AGTRAP: variants seen among roughly 807,000 people sequenced by gnomAD.
The protein encoded by AGTRAP is type-1 angiotensin II receptor-associated protein.
A neutral mutation model predicts 15.2 loss-of-function variants in AGTRAP; 7 were observed. That is an observed-to-expected ratio of 0.46 (90% CI 0.26 to 0.87). The LOEUF (loss-of-function observed/expected upper bound fraction) is 0.87. Ranked by LOEUF, AGTRAP falls within the 40% of genes least tolerant of loss-of-function variation. AGTRAP has a pLI of 0.15. For missense variants in AGTRAP, 187 were observed against 213.4 expected, an observed-to-expected ratio of 0.88 and a Z score of 0.77; for synonymous variants, 74 against 89.6, an observed-to-expected ratio of 0.83 and a Z score of 0.98.
At chr1:11,740,570 CTG>C (rs147748632) in intron 1 of AGTRAP, among the ~76,000 whole-genome samples, 6,241 of 152,216 alleles carry the variant, frequency 0.041, 189 homozygotes, top group South Asian at 0.082. Flanking sequence ...GGTGCTCACT[CTG>C]TATTACAGGC....
rs961311251 is a variant in AGTRAP, at chr1:11,747,409, C to T, written c.63-31C>T. ...GAGGTGACCTGCGGGGTGGTGGCCT[C>T]CTGACGGGACTGAGCTACCTCTTCC... On this transcript the variant is annotated intron_variant, in intron 2 of 4. Transcript: ENST00000314340. 3.1e-6 allele frequency: 5 copies of T among 1,605,382 alleles called. No homozygotes were observed. In the East Asian group the frequency reaches 6.7e-5, roughly 21 times the overall value.
chr1:11,746,337 A>G, intron 2 of AGTRAP: 1 of 924,628 alleles, frequency 1.1e-6, no homozygotes, highest in South Asian at 1.7e-5. Flanking sequence ...CTGGGCTGGG[A>G]CCCAGGCACC....
In AGTRAP at chr1:11,750,598, C is replaced by T. The variant is rs998918964; in HGVS notation, c.*406C>T. 2.2e-6 allele frequency: 1 copy of T among 446,014 alleles called. No homozygotes were observed. Among genetic ancestry groups the T allele is most frequent in the African/African-American group, 2.0e-5 (1 of 51,074 alleles). 27.6% of individuals were successfully genotyped at this position (446,014 alleles called of 1,614,324 possible). Reference sequence around the variant, plus strand: ...AGCCCTGAGAGCTTCAGGTCCTGCTCAGCCCGAGGAGCAGTCTGGCATGGG... The same window carrying T: ...AGCCCTGAGAGCTTCAGGTCCTGCTTAGCCCGAGGAGCAGTCTGGCATGGG... On this transcript the variant is annotated 3_prime_UTR_variant, in exon 5 of 5. Transcript: ENST00000314340.
At chr1:11,746,346 C>T (rs1386744021) in intron 2 of AGTRAP, 10 of 868,716 alleles carry the variant, frequency 1.2e-5, no homozygotes, top group South Asian at 1.8e-5. Flanking sequence ...GACCCAGGCA[C>T]CTGCTTTCTT....
chr1:11,750,105 T>G lies in AGTRAP; in HGVS notation c.393T>G (p.Ser131Arg). 1 of 1,614,048 alleles carries G rather than the reference T, an allele frequency of 6.2e-7. No homozygotes were observed. Among genetic ancestry groups the G allele is most frequent in the Non-Finnish European group, 8.5e-7 (1 of 1,179,998 alleles). Residue 131 changes from serine to arginine, a missense_variant, in exon 5 of 5, where the codon AGT (serine) becomes AGG (arginine). Physicochemically the swap from Ser to Arg is moderately radical, Grantham distance 110. Coordinates refer to ENST00000314340, the MANE Select transcript of AGTRAP (RefSeq NM_020350.5). ...TCCTTGGGTCTTCTCAGGACCGTAG[T>G]GCCTACCAGACGATTGACTCAGCAG... ...TGFLGSSQDR[S>R]AYQTIDSAEA... is the part of the protein sequence containing the mutation.
intron 1 of AGTRAP, among the ~76,000 whole-genome samples, chr1:11,736,479 C>T (rs891953601): frequency 3.9e-5 from 6 of 152,218 alleles, no homozygotes; most frequent in Non-Finnish European, 8.8e-5. Flanking sequence ...GCAAGGGCCG[C>T]CCCCTCCCGG....
intron 3 of AGTRAP, among the ~76,000 whole-genome samples, chr1:11,747,833 G>A (rs761502510): frequency 6.6e-6 from 1 of 152,230 alleles, no homozygotes; most frequent in Non-Finnish European, 1.5e-5. Context: ...TAGCCACTTC[G>A]CAAGAGCAGT....
intron 1 of AGTRAP, among the ~76,000 whole-genome samples, chr1:11,744,001 T>G (rs538228191): frequency 2.6e-4 from 39 of 152,190 alleles, no homozygotes; most frequent in Admixed American, 1.6e-3. Context: ...TGTAGCTGGG[T>G]GCAGTGGCTC....
chr1:11,737,734 G>C (rs761071912), intron 1 of AGTRAP, among the ~76,000 whole-genome samples: 1 of 152,134 alleles, frequency 6.6e-6, no homozygotes, highest in Non-Finnish European at 1.5e-5. Flanking sequence ...TAGTCTCTTT[G>C]GGGCTTTTTT....
intron 4 of AGTRAP, among the ~76,000 whole-genome samples, chr1:11,749,163 C>T (rs976022855): frequency 2.6e-5 from 4 of 152,250 alleles, no homozygotes; most frequent in African/African-American, 9.6e-5. Context: ...AGCCTTACAC[C>T]TGCCCTCTCC....
chr1:11,743,373 G>A, intron 1 of AGTRAP, among the ~76,000 whole-genome samples: 1 of 151,776 alleles, frequency 6.6e-6, no homozygotes, highest in Non-Finnish European at 1.5e-5. Flanking sequence ...AACTTCCGGA[G>A]TAGCTGGGAT....
Position 11,750,534 on chromosome 1 carries a change from C to G in AGTRAP, c.*342C>G, listed in dbSNP as rs1642294402. On this transcript the variant is annotated 3_prime_UTR_variant, in exon 5 of 5. Transcript: ENST00000314340. ...TCAGGCCTTTAAGGACTGCTGATGC[C>G]CCCTCAGGCCTCCCCCAAGTTTGCT... The G allele has an allele frequency of 5.5e-6, 3 of 544,840 alleles. No individual in the cohort carries two copies. In the South Asian group the frequency reaches 7.3e-5, roughly 13 times the overall value. The allele number at this position is 544,840 out of a possible 1,614,324, so 33.8% of individuals were successfully genotyped here.
At chr1:11,749,946 CTCTG>C in intron 4 of AGTRAP, 127 bp from the exon 5 acceptor site, 2 of 664,572 alleles carry the variant, frequency 3.0e-6, no homozygotes, top group Non-Finnish European at 5.4e-6. Context: ...GGGCTGCTGC[CTCTG>C]TCTCTGTGCA....
chr1:11,736,354 G>A (rs897994143), intron 1 of AGTRAP, 119 bp downstream of exon 1: 2 of 1,393,612 alleles, frequency 1.4e-6, no homozygotes, highest in African/African-American at 1.4e-5. Flanking sequence ...GGGAGGAAGG[G>A]AAGGTACAGA....
intron 1 of AGTRAP, among the ~76,000 whole-genome samples, chr1:11,739,902 C>T (rs1297639954): frequency 6.6e-6 from 1 of 152,226 alleles, no homozygotes; most frequent in African/African-American, 2.4e-5. Context: ...GCCTCCGTTT[C>T]GCAGAAAGGA....
Position 11,750,315 on chromosome 1 carries a change from G to T in AGTRAP, c.*123G>T, listed in dbSNP as rs974345670. 1.1e-6 allele frequency: 1 copy of T among 926,588 alleles called. No homozygotes were observed. The highest frequency in any genetic ancestry group is 2.6e-5 in the East Asian group (1 of 38,184). 57.4% of individuals were successfully genotyped at this position (926,588 alleles called of 1,614,324 possible). ...GGAATGTGTCCCCAGCTCAGGGATT[G>T]CCTGAACCAAGAGGCCAGGAGCCCC... On this transcript the variant is annotated 3_prime_UTR_variant, in exon 5 of 5. Transcript: ENST00000314340.
At chr1:11,746,115 T>TA (rs756416988) in intron 2 of AGTRAP, 13 of 1,611,886 alleles carry the variant, frequency 8.1e-6, no homozygotes, top group Non-Finnish European at 1.1e-5. Context: ...CCATCTCTTT[T>TA]AATCTGTTGA....
chr1:11,744,231 C>T (rs17875934), intron 1 of AGTRAP, among the ~76,000 whole-genome samples: 20,234 of 152,142 alleles, frequency 0.13, 1,541 homozygotes, highest in Non-Finnish European at 0.15. Context: ...GCTGTGATGG[C>T]GCCACTGAAC....
At chr1:11,746,034 G>A (rs1431755940) in intron 2 of AGTRAP, 197 bp downstream of exon 2, 2 of 1,366,808 alleles carry the variant, frequency 1.5e-6, no homozygotes, top group East Asian at 4.6e-5. Flanking sequence ...AGACGTGGAA[G>A]TGCTCATCAG....
Sources: gnomAD v4.1 joint callset for allele counts (sites outside exome capture counted in the v4.1 genomes callset) on GRCh38, gnomAD v4.1.1 for gene constraint, MANE v1.5 for transcripts, NCBI Gene and HGNC (gene_info 2026-07-23, HGNC 2026-07-21) for gene names.